The following DLGAP2 variants were observed in gnomAD, a reference collection of about 807,000 sequenced individuals.
The protein encoded by DLGAP2 is DLG associated protein 2.
Under a neutral mutation model 100.3 loss-of-function variants are expected in DLGAP2, and 26 were observed. The observed-to-expected ratio is 0.26, with a 90% CI of 0.19 to 0.36. The LOEUF (loss-of-function observed/expected upper bound fraction) is 0.36. Among genes scored for constraint, DLGAP2 ranks in the 10% least tolerant of loss-of-function variants. The pLI, the probability that DLGAP2 is intolerant of heterozygous loss-of-function variation, is 1.00. For synonymous variants in DLGAP2, 886 were observed against 630.1 expected (o/e 1.41, Z -6.08); for missense variants, 1,858 against 1,453.2 (o/e 1.28, Z -4.53).
At chr8:1,130,514 A>AT (rs771682730) in intron 2 of DLGAP2, among the ~76,000 whole-genome samples, 4 of 152,314 alleles carry the variant, frequency 2.6e-5, no homozygotes, top group Non-Finnish European at 5.9e-5. Context: ...TGGAGGCTCA[A>AT]TTAGGTGACT....
At chr8:870,356 C>G (rs770335220) in intron 1 of DLGAP2, among the ~76,000 whole-genome samples, 28 of 152,174 alleles carry the variant, frequency 1.8e-4, no homozygotes, top group Admixed American at 6.5e-5. Flanking sequence ...GAGGTACTGA[C>G]AGCTCTTAAA....
intron 3 of DLGAP2, among the ~76,000 whole-genome samples, chr8:1,325,833 G>A (rs1339494805): frequency 2.6e-5 from 4 of 151,990 alleles, no homozygotes; most frequent in Non-Finnish European, 4.4e-5. Context: ...TCGTTTTTTT[G>A]CAAGGACCGT....
chr8:1,138,057 T>G (rs1432660235), intron 2 of DLGAP2, among the ~76,000 whole-genome samples: 1 of 152,216 alleles, frequency 6.6e-6, no homozygotes, highest in Non-Finnish European at 1.5e-5. Flanking sequence ...TGGAAGCTTT[T>G]CACATCCACA....
At chr8:853,667 C>G (rs1049912921) in intron 1 of DLGAP2, among the ~76,000 whole-genome samples, 1 of 152,230 alleles carries the variant, frequency 6.6e-6, no homozygotes, top group Non-Finnish European at 1.5e-5. Context: ...AGTCTCAGGC[C>G]TGCAGCCACA....
chr8:1,007,575 T>A (rs1182256971), intron 2 of DLGAP2, among the ~76,000 whole-genome samples: 2 of 151,040 alleles, frequency 1.3e-5, no homozygotes, highest in Admixed American at 1.3e-4. Flanking sequence ...GCATGCTCCC[T>A]TTAAGGCTGA....
At chr8:1,252,215 TGTG>T (rs1255865137) in intron 2 of DLGAP2, among the ~76,000 whole-genome samples, 2 of 151,376 alleles carry the variant, frequency 1.3e-5, no homozygotes, top group Non-Finnish European at 2.9e-5. Flanking sequence ...CTTGTCACAC[TGTG>T]GTGTTGTCAC....
At chr8:1,622,391 T>C (rs1167786654) in intron 6 of DLGAP2, 1 of 152,252 alleles carries the variant, frequency 6.6e-6, no homozygotes, top group Non-Finnish European at 1.5e-5. Flanking sequence ...TTACGTTGTG[T>C]ATTTTCAAGC....
rs1201439439 is a variant in DLGAP2, at chr8:1,548,930, C to T, written c.477C>T (p.Ser159=). 7 of 1,598,314 alleles carry T rather than the reference C, an allele frequency of 4.4e-6. No individual in the cohort carries two copies. The African/African-American group carries it at 5.3e-5, about 12-fold the overall frequency. The change falls in exon 5 of 15, where the codon AGC becomes AGT. Residue 159 remains serine, a synonymous_variant. Transcript: ENST00000637795. ...PVVLGDHVSS[S]TFPRMHYSSH... The stretch of plus-strand genomic sequence containing the variant: ...TGCTGGGCGACCACGTGTCCAGCAG[C>T]ACCTTCCCGCGGATGCACTACAGCT...
intron 2 of DLGAP2, among the ~76,000 whole-genome samples, chr8:980,720 A>C (rs907215239): frequency 1.3e-5 from 2 of 152,138 alleles, no homozygotes; most frequent in Non-Finnish European, 2.9e-5. Flanking sequence ...GGGTTCCGGG[A>C]GGACACGCTG....
intron 1 of DLGAP2, among the ~76,000 whole-genome samples, chr8:849,463 C>T (rs1411035129): frequency 2.0e-5 from 3 of 152,148 alleles, no homozygotes; most frequent in South Asian, 2.1e-4. Context: ...GCATTTAGTT[C>T]GATGCCTGGG....
intron 3 of DLGAP2, among the ~76,000 whole-genome samples, chr8:1,264,877 G>C (rs776196026): frequency 6.6e-6 from 1 of 152,124 alleles, no homozygotes; most frequent in African/African-American, 2.4e-5. Flanking sequence ...TTCCCGTGCT[G>C]TTCTCGTGAT....
At chr8:960,551 G>T (rs1041356964) in intron 2 of DLGAP2, among the ~76,000 whole-genome samples, 2 of 152,018 alleles carry the variant, frequency 1.3e-5, no homozygotes, top group South Asian at 4.1e-4. Context: ...TGTATCTTCT[G>T]TGATCGTAAA....
chr8:1,194,516 C>T (rs144786155), intron 2 of DLGAP2, among the ~76,000 whole-genome samples: 1 of 152,132 alleles, frequency 6.6e-6, no homozygotes, highest in Non-Finnish European at 1.5e-5. Flanking sequence ...CCCTCTGGGT[C>T]ACTCCTTGTG....
At chr8:1,299,284 G>T (rs1800272483) in intron 3 of DLGAP2, among the ~76,000 whole-genome samples, 1 of 152,220 alleles carries the variant, frequency 6.6e-6, no homozygotes, top group African/African-American at 2.4e-5. Context: ...GCCACCCAGG[G>T]TGCCGCATGG....
At chr8:901,976 A>AC (rs1207388398) in intron 1 of DLGAP2, among the ~76,000 whole-genome samples, 4 of 151,912 alleles carry the variant, frequency 2.6e-5, no homozygotes, top group Non-Finnish European at 4.4e-5. Flanking sequence ...GAGCCGTGCA[A>AC]CCCCCACTGG....
intron 3 of DLGAP2, among the ~76,000 whole-genome samples, chr8:1,340,580 A>G (rs1801395818): frequency 6.6e-6 from 1 of 152,226 alleles, no homozygotes; most frequent in Non-Finnish European, 1.5e-5. Context: ...AAAACATAAC[A>G]GATGCTGGTG....
intron 2 of DLGAP2, among the ~76,000 whole-genome samples, chr8:1,005,650 G>A (rs1801087538): frequency 6.6e-6 from 1 of 151,214 alleles, no homozygotes; most frequent in African/African-American, 2.4e-5. Context: ...AAATTCCTAG[G>A]TTCAAGTGAT....
intron 3 of DLGAP2, among the ~76,000 whole-genome samples, chr8:1,370,698 C>A (rs371657675): frequency 2.6e-4 from 39 of 152,318 alleles, no homozygotes; most frequent in African/African-American, 9.4e-4. Flanking sequence ...CCCAGACAAC[C>A]GCTCCACTCT....
chr8:1,283,197 A>AGCACGTGAACCATCCG (rs1799855031), intron 3 of DLGAP2, among the ~76,000 whole-genome samples: 1 of 132,202 alleles, frequency 7.6e-6, no homozygotes, highest in African/African-American at 3.0e-5. Context: ...TGAACCATCC[A>AGCACGTGAACCATCCG]GACGTGGTGT....
Sources: gnomAD v4.1 joint callset for allele counts (sites outside exome capture counted in the v4.1 genomes callset) on GRCh38, gnomAD v4.1.1 for gene constraint, MANE v1.5 for transcripts, NCBI Gene and HGNC (gene_info 2026-07-23, HGNC 2026-07-21) for gene names.